The following SLC25A45 variants were observed in gnomAD, a reference collection of about 807,000 sequenced individuals.
SLC25A45 encodes methylated amino-acid transporter SLC25A45.
Under a neutral mutation model 23.0 loss-of-function variants are expected in SLC25A45, and 22 were observed. That is an observed-to-expected ratio of 0.95 (90% CI 0.68 to 1.36). The LOEUF is 1.36. Ranked by LOEUF, SLC25A45 falls within the 40% of genes most tolerant of loss-of-function variation. The pLI is 0.00. For synonymous variants in SLC25A45, 136 were observed against 155.0 expected, an observed-to-expected ratio of 0.88 and a Z score of 0.91; for missense variants, 355 against 383.5, an observed-to-expected ratio of 0.93 and a Z score of 0.62.
rs900535455 is a variant in SLC25A45 at position 65,376,267 on chromosome 11, A to T, written c.*140T>A. ...TCCCACAGGTGTCTGCCCAGCCCAG[A>T]TCTGCGCGGGTGGGAGGCACCTTGG... On this transcript the variant is annotated 3_prime_UTR_variant, in exon 7 of 7. Coordinates refer to ENST00000398802, the MANE Select transcript of SLC25A45 (RefSeq NM_182556.4). 38 of 1,091,228 alleles carry T rather than the reference A, an allele frequency of 3.5e-5. No homozygotes were observed. The African/African-American group carries it at 5.6e-4, about 16-fold the overall frequency. 67.6% of individuals were successfully genotyped at this position (1,091,228 alleles called of 1,614,324 possible). A position where few individuals can be genotyped will look rare whatever the true frequency, so the allele number is the denominator to read the frequency against.
At position 65,376,652 on chromosome 11, in the gene SLC25A45, CT is replaced by C; in HGVS notation, c.621del (p.Gly209AlafsTer14). The C allele has an allele frequency of 6.2e-7, 1 of 1,614,066 alleles. No homozygotes were observed. Among genetic ancestry groups the C allele is most frequent in the East Asian group, 2.2e-5 (1 of 44,882 alleles). On this transcript the variant is annotated frameshift_variant, in exon 7 of 7. Coordinates refer to ENST00000398802, the MANE Select transcript of SLC25A45 (RefSeq NM_182556.4). LOFTEE classifies it high-confidence loss of function. ...QNPSSATVLVAGGFAGIASWV... is the reference protein window; with the variant it reads ...QNPSSATVLVXGGFAGIASWV... The stretch of plus-strand genomic sequence containing the variant: ...CAGGAAGCAATGCCTGCAAAGCCCC[CT>C]GCCACCAGCACCGTGGCTGAGCCTG...
At position 65,380,150 on chromosome 11, in the gene SLC25A45, G is replaced by T. The variant is rs779881142; in HGVS notation, c.63C>A (p.His21Gln). The T allele has an allele frequency of 1.2e-6, 2 of 1,614,190 alleles. No individual in the cohort carries two copies. The highest frequency in any genetic ancestry group is 8.5e-7 in the Non-Finnish European group (1 of 1,180,010). Residue 21 changes from histidine (H) to glutamine (Q), a missense_variant, in exon 3 of 7, where the codon CAC becomes CAA. His to Gln is a conservative substitution (Grantham distance 24, BLOSUM62 0). Coordinates refer to ENST00000398802, the MANE Select transcript of SLC25A45 (RefSeq NM_182556.4). The part of the protein sequence containing the change: ...ISGALGLVLG[H>Q]PFDTVKVRLQ... ...AACTCACCTTTACAGTGTCAAACGGGTGTCCCAGGACCAAGCCCAGAGCGC... is the reference window on the plus strand; with the variant it reads ...AACTCACCTTTACAGTGTCAAACGGTTGTCCCAGGACCAAGCCCAGAGCGC...
chr11:65,377,464 A>C, intron 5 of SLC25A45: 2 of 995,700 alleles, frequency 2.0e-6, no homozygotes, highest in Non-Finnish European at 2.4e-6. Flanking sequence ...TCAGCCTGTG[A>C]CTGTGAAATA....
Position 65,382,083 on chromosome 11 carries a change from G to A in SLC25A45, c.-18-114C>T. On this transcript the variant is annotated intron_variant, in intron 1 of 6. Transcript: ENST00000398802. The surrounding 1 kb of genome is among the most constrained non-coding windows in gnomAD (Gnocchi z 4.4). Reference sequence around the variant, plus strand: ...TGGCGGGAAGGTGAGAATTGGCCTGGTGCCCAGACCTCCGGCAACTGGCAG... The same window carrying A: ...TGGCGGGAAGGTGAGAATTGGCCTGATGCCCAGACCTCCGGCAACTGGCAG... 1.6e-5 allele frequency: 13 copies of A among 827,134 alleles called. No homozygotes were observed. The highest frequency in any genetic ancestry group is 2.4e-5 in the Non-Finnish European group (12 of 490,528). 51.2% of individuals were successfully genotyped at this position (827,134 alleles called of 1,614,324 possible). A position where few individuals can be genotyped will look rare whatever the true frequency, so the allele number is the denominator to read the frequency against.
intron 2 of SLC25A45, chr11:65,380,629 G>A: frequency 1.5e-6 from 2 of 1,291,056 alleles, no homozygotes; most frequent in Non-Finnish European, 2.0e-6. Flanking sequence ...AGAACTGCAG[G>A]GCCCTGATGG....
chr11:65,377,327 A>G, intron 5 of SLC25A45: 2 of 1,355,984 alleles, frequency 1.5e-6, no homozygotes, highest in Non-Finnish European at 1.9e-6. Context: ...ACAGTGACCA[A>G]CTTGCCTGGC....
intron 2 of SLC25A45, 38 bp from the exon 3 acceptor site, chr11:65,380,213 G>A (rs376156333): frequency 9.3e-5 from 150 of 1,613,820 alleles, no homozygotes; most frequent in Non-Finnish European, 1.2e-4. Flanking sequence ...GAGGGCCCTC[G>A]TGCCAGGCCC....
intron 2 of SLC25A45, chr11:65,381,560 CTTTTTTT>C (rs34891223): frequency 1.5e-3 from 125 of 84,656 alleles, no homozygotes; most frequent in African/African-American, 5.8e-3. Context: ...TGCCCTGATT[CTTTTTTT>C]TTTTTTTTTT....
rs1377499820 is a variant in SLC25A45, at chr11:65,376,662, C to G, written c.612G>C (p.Val204=). Residue 204 remains valine, a synonymous_variant, in exon 7 of 7, where the codon GTG becomes GTC. Coordinates refer to ENST00000398802, the MANE Select transcript of SLC25A45 (RefSeq NM_182556.4). ...PEGQNPSSAT[V]LVAGGFAGIA... ...TGCCTGCAAAGCCCCCTGCCACCAG[C>G]ACCGTGGCTGAGCCTGGGGCAGAGA... The G allele has an allele frequency of 5.0e-6, 8 of 1,613,908 alleles. No homozygotes were observed. Among genetic ancestry groups the G allele is most frequent in the Non-Finnish European group, 6.8e-6 (8 of 1,179,872 alleles).
At position 65,381,980 on chromosome 11, in the gene SLC25A45, C is replaced by A; in HGVS notation, c.-18-11G>T. ...CTGGGCTTGCGGGAACTGGTGGCTC[C>A]AGCAGAGGAGACAGAGTTGAATTCC... On this transcript the variant is annotated splice_polypyrimidine_tract_variant and intron_variant, in intron 1 of 6. Coordinates refer to ENST00000398802, the MANE Select transcript of SLC25A45 (RefSeq NM_182556.4). The A allele has an allele frequency of 6.2e-7, 1 of 1,603,866 alleles. No homozygotes were observed.
intron 5 of SLC25A45, 144 bp from the exon 6 acceptor site, chr11:65,377,220 A>G (rs1045764617): frequency 2.8e-6 from 4 of 1,439,788 alleles, no homozygotes; most frequent in Admixed American, 2.8e-5. Context: ...TCTCACGTGC[A>G]TGTGTGGCTG....
Position 65,381,955 on chromosome 11 carries a change from C to A in SLC25A45, c.-4G>T. On this transcript the variant is annotated 5_prime_UTR_variant, in exon 2 of 7. Coordinates refer to ENST00000398802, the MANE Select transcript of SLC25A45 (RefSeq NM_182556.4). ...CCACAAATTCCTCCACCGGCATTGT[C>A]TGGGCTTGCGGGAACTGGTGGCTCC... 6.2e-7 allele frequency: 1 copy of A among 1,614,098 alleles called. No homozygotes were observed.
rs542994777 is a variant in SLC25A45 at position 65,376,523 on chromosome 11, G to A, written c.751C>T (p.Arg251Trp). The change falls in exon 7 of 7, where the codon CGG becomes TGG. Residue 251 changes from arginine (R) to tryptophan (W), a missense_variant. Arg to Trp is a moderately radical substitution (Grantham distance 101). Coordinates refer to ENST00000398802, the MANE Select transcript of SLC25A45 (RefSeq NM_182556.4). The stretch of plus-strand genomic sequence containing the variant: ...AAGAAGACTCCCAGTCCTTCCTGCC[G>A]GATGCTGCTCACCATGCAGTCCAGC... Reference protein sequence around the residue: ...GMLDCMVSSIRQEGLGVFFRG... With the variant: ...GMLDCMVSSIWQEGLGVFFRG... The A allele has an allele frequency of 7.4e-5, 119 of 1,614,068 alleles. No individual in the cohort carries two copies. The highest frequency in any genetic ancestry group is 8.9e-5 in the Non-Finnish European group (105 of 1,180,044).
chr11:65,381,579 TTTTTTTG>T, intron 2 of SLC25A45: 1 of 164,462 alleles, frequency 6.1e-6, no homozygotes. Flanking sequence ...TTTTTTTTTT[TTTTTTTG>T]TGGCAGGGTC....
rs1415924731 is a variant in SLC25A45, at chr11:65,379,925, G to T, written c.95C>A (p.Thr32Asn). Reference protein sequence around the residue: ...PFDTVKVRLQTQTTYRGIVDC... With the variant: ...PFDTVKVRLQNQTTYRGIVDC... ...AACGATGCCCCGGTAGGTGGTCTGGGTCTGCAGCCTCACCTGGGTGGGAGG... is the reference window on the plus strand; with the variant it reads ...AACGATGCCCCGGTAGGTGGTCTGGTTCTGCAGCCTCACCTGGGTGGGAGG... The change falls in exon 4 of 7, where the codon ACC becomes AAC. Residue 32 changes from threonine (T) to asparagine (N), a missense_variant. Thr to Asn is a moderately conservative substitution (Grantham distance 65). Transcript: ENST00000398802. 1 of 1,614,106 alleles carries T rather than the reference G, an allele frequency of 6.2e-7. No homozygotes were observed. The highest frequency in any genetic ancestry group is 8.5e-7 in the Non-Finnish European group (1 of 1,180,032).
At position 65,379,530 on chromosome 11, in the gene SLC25A45, G is replaced by C. The variant is rs1194598269; in HGVS notation, c.185C>G (p.Pro62Arg). Residue 62 changes from proline to arginine, a missense_variant, in exon 5 of 7, where the codon CCC becomes CGC. Pro to Arg is a moderately radical substitution (Grantham distance 103). Coordinates refer to ENST00000398802, the MANE Select transcript of SLC25A45 (RefSeq NM_182556.4). Reference sequence around the variant, plus strand: ...GTTGACCACAGCTATGCTGGCAATGGGGAAGCTCATTCCCTTGAAGAAGCC... The same window carrying C: ...GTTGACCACAGCTATGCTGGCAATGCGGAAGCTCATTCCCTTGAAGAAGCC... The part of the protein sequence containing the change: ...LLGFFKGMSF[P>R]IASIAVVNSV... The C allele has an allele frequency of 6.2e-7, 1 of 1,612,248 alleles. No individual in the cohort carries two copies. Among genetic ancestry groups the C allele is most frequent in the Admixed American group, 1.7e-5 (1 of 59,916 alleles).
chr11:65,376,487 T>C lies in SLC25A45; in HGVS notation c.787A>G (p.Thr263Ala), dbSNP rs751826622. Residue 263 changes from threonine (T) to alanine (A), a missense_variant, in exon 7 of 7, where the codon ACC becomes GCC. Physicochemically the swap from Thr to Ala is moderately conservative, Grantham distance 58. Transcript: ENST00000398802. ...GGAAAGGCGCGGGCACTGTTGATGGTGACCCCCCGGAAGAAGACTCCCAGT... is the reference window on the plus strand; with the variant it reads ...GGAAAGGCGCGGGCACTGTTGATGGCGACCCCCCGGAAGAAGACTCCCAGT... Reference protein sequence around the residue: ...EGLGVFFRGVTINSARAFPVN... With the variant: ...EGLGVFFRGVAINSARAFPVN... The C allele has an allele frequency of 6.2e-7, 1 of 1,614,176 alleles. No individual in the cohort carries two copies. Among genetic ancestry groups the C allele is most frequent in the South Asian group, 1.1e-5 (1 of 91,088 alleles).
rs367726721 is a variant in SLC25A45, at chr11:65,376,690, G to T, written c.599-15C>A. 2 of 1,613,832 alleles carry T rather than the reference G, an allele frequency of 1.2e-6. No individual in the cohort carries two copies. The highest frequency in any genetic ancestry group is 1.7e-6 in the Non-Finnish European group (2 of 1,179,982). On this transcript the variant is annotated splice_polypyrimidine_tract_variant and intron_variant, in intron 6 of 6. Transcript: ENST00000398802. ...CGTGGCTGAGCCTGGGGCAGAGAGAGCCCAGAGCAGGGGTCAGACCCAGAA... is the reference window on the plus strand; with the variant it reads ...CGTGGCTGAGCCTGGGGCAGAGAGATCCCAGAGCAGGGGTCAGACCCAGAA...
chr11:65,376,524 G>T lies in SLC25A45; in HGVS notation c.750C>A (p.Ile250=), dbSNP rs1259167690. 1.9e-6 allele frequency: 3 copies of T among 1,614,198 alleles called. No homozygotes were observed. In the East Asian group the frequency reaches 6.7e-5, roughly 36 times the overall value. The stretch of plus-strand genomic sequence containing the variant: ...AGAAGACTCCCAGTCCTTCCTGCCG[G>T]ATGCTGCTCACCATGCAGTCCAGCA... The part of the protein sequence containing the change: ...QGMLDCMVSS[I]RQEGLGVFFR... Residue 250 remains isoleucine (I), a synonymous_variant, in exon 7 of 7, where the codon ATC becomes ATA. Transcript: ENST00000398802.
Sources: allele counts gnomAD v4.1 joint callset, GRCh38; gene constraint gnomAD v4.1.1; non-coding constraint Gnocchi (gnomAD v3.1); transcripts MANE v1.5; gene names NCBI Gene and HGNC (gene_info 2026-07-23, HGNC 2026-07-21).